Variants in ALMS1 observed in about 807,000 individuals in gnomAD.
ALMS1 encodes ALMS1 centrosome and basal body associated protein, also known as centrosome-associated protein ALMS1.
A neutral mutation model predicts 352.2 loss-of-function variants in ALMS1; 271 were observed. The observed-to-expected ratio is 0.77, with a 90% confidence interval of 0.70 to 0.85. The LOEUF is 0.85. ALMS1 is among the 40% of genes least tolerant of loss of function. The pLI, the probability that ALMS1 is intolerant of heterozygous loss-of-function variation, is 0.00. For synonymous variants in ALMS1, 1,865 were observed against 1,761.2 expected, an observed-to-expected ratio of 1.06 and a Z score of -1.48; for missense variants, 5,445 against 4,870.7, an observed-to-expected ratio of 1.12 and a Z score of -3.51.
Position 73,573,158 on chromosome 2 carries a change from G to A in ALMS1, c.11281G>A (p.Val3761Ile). The A allele has an allele frequency of 6.2e-7, 1 of 1,613,688 alleles. No individual in the cohort carries two copies. Among genetic ancestry groups the A allele is most frequent in the East Asian group, 2.2e-5 (1 of 44,868 alleles). The part of the protein sequence containing the change: ...TNILSGTTST[V>I]ESDILTQTDR... The stretch of plus-strand genomic sequence containing the variant: ...CATCCTTTCCGGCACCACTTCTACT[G>A]TCGAATCAGATATATTGACCCAAAC... The change falls in exon 16 of 23, where the codon GTC becomes ATC. Residue 3761 changes from valine (V) to isoleucine (I), a missense_variant. Val to Ile is a conservative substitution (Grantham distance 29, BLOSUM62 3). Coordinates refer to ENST00000613296, the MANE Select transcript of ALMS1 (RefSeq NM_001378454.1).
chr2:73,530,229 T>C (rs923276688), intron 11 of ALMS1, among the ~76,000 whole-genome samples: 2 of 152,172 alleles, frequency 1.3e-5, no homozygotes, highest in Non-Finnish European at 2.9e-5. Flanking sequence ...TGTGAGCCTG[T>C]AAAATAAAAA....
chr2:73,500,216 A>G (rs1673192194), intron 10 of ALMS1, among the ~76,000 whole-genome samples: 1 of 152,230 alleles, frequency 6.6e-6, no homozygotes, highest in Non-Finnish European at 1.5e-5. Context: ...GTTTTAGCAG[A>G]CAATGACCCA....
chr2:73,589,423 G>T (rs1003629842), intron 16 of ALMS1, among the ~76,000 whole-genome samples: 2 of 152,100 alleles, frequency 1.3e-5, no homozygotes, highest in Non-Finnish European at 2.9e-5. Flanking sequence ...CAGTGCCAAG[G>T]GTTGAGTTAA....
At chr2:73,515,493 T>C (rs1286390572) in intron 10 of ALMS1, among the ~76,000 whole-genome samples, 1 of 151,980 alleles carries the variant, frequency 6.6e-6, no homozygotes, top group South Asian at 2.1e-4. Flanking sequence ...AAGAGGATAA[T>C]AGAGATTGAG....
intron 13 of ALMS1, among the ~76,000 whole-genome samples, chr2:73,551,339 T>C (rs1347187437): frequency 6.6e-6 from 1 of 151,872 alleles, no homozygotes; most frequent in Non-Finnish European, 1.5e-5. Flanking sequence ...TCTTGTTTGC[T>C]TCCATCTCCA....
chr2:73,544,140 G>T (rs955974771), intron 12 of ALMS1, among the ~76,000 whole-genome samples: 3 of 152,092 alleles, frequency 2.0e-5, no homozygotes, highest in Admixed American at 6.6e-5. Flanking sequence ...TGATAGACTG[G>T]ATTAATTAAA....
At chr2:73,489,559 G>T in intron 9 of ALMS1, 75 bp from the exon 10 acceptor site, 1 of 1,557,222 alleles carries the variant, frequency 6.4e-7, no homozygotes, top group South Asian at 1.1e-5. Flanking sequence ...GTATAAAACT[G>T]ATTTGTATAA....
In ALMS1 at chr2:73,402,423, A is replaced by G. The variant is rs141754505; in HGVS notation, c.325-6199A>G. ...TGAGTAGCTGGGGTTACAGGTGTGC[A>G]CTACCCTGCCTGGTTAATTTTTGTA... is the stretch of plus-strand genomic sequence containing the variant. On this transcript the variant is annotated intron_variant, in intron 1 of 22. Transcript: ENST00000613296. 2.3e-3 allele frequency among the ~76,000 whole-genome samples: 355 copies of G among 151,792 alleles called. 1 individual carries two copies. The highest frequency in any genetic ancestry group is 3.9e-3 in the Non-Finnish European group (264 of 67,888).
chr2:73,419,134 T>G lies in ALMS1; in HGVS notation c.462T>G (p.Ser154=), dbSNP rs1671236853. 1 of 1,613,840 alleles carries G rather than the reference T, an allele frequency of 6.2e-7. No homozygotes were observed. The highest frequency in any genetic ancestry group is 8.5e-7 in the Non-Finnish European group (1 of 1,179,768). Residue 154 remains serine, a synonymous_variant, in exon 3 of 23, where the codon TCT becomes TCG. Coordinates refer to ENST00000613296, the MANE Select transcript of ALMS1 (RefSeq NM_001378454.1). The part of the protein sequence containing the change: ...RGSGDDQKTE[S]WHCLPQEMDS... ...TAACATTTTTCTAGAAAACAGAATC[T>G]TGGCATTGTCTTCCTCAAGAAATGG...
Position 73,408,862 on chromosome 2 carries a change from GTCTT to G in ALMS1, c.450+117_450+120del. On this transcript the variant is annotated intron_variant, in intron 2 of 22. Coordinates refer to ENST00000613296, the MANE Select transcript of ALMS1 (RefSeq NM_001378454.1). ...ATATTCATTAATATTATGTTTTCTT[GTCTT>G]TTTTTTTTTTTTTTTTTTTTTTTTA... The G allele has an allele frequency of 8.4e-5, 15 of 177,798 alleles. No homozygotes were observed. In the East Asian group the frequency reaches 8.7e-4, roughly 10 times the overall value. 11.0% of individuals were successfully genotyped at this position (177,798 alleles called of 1,614,324 possible).
chr2:73,600,947 A>G lies in ALMS1; in HGVS notation c.11872+66A>G, dbSNP rs966108426. On this transcript the variant is annotated intron_variant, in intron 18 of 22. Coordinates refer to ENST00000613296, the MANE Select transcript of ALMS1 (RefSeq NM_001378454.1). Reference sequence around the variant, plus strand: ...GAATTTCAAGTCCCCTGCGATGCTGACTCTGTGTTTCCAAGTGACTCTATG... The same window carrying G: ...GAATTTCAAGTCCCCTGCGATGCTGGCTCTGTGTTTCCAAGTGACTCTATG... 79 of 1,539,132 alleles carry G rather than the reference A, an allele frequency of 5.1e-5. No individual in the cohort carries two copies. The African/African-American group carries it at 9.1e-4, about 18-fold the overall frequency.
chr2:73,454,048 A>T lies in ALMS1; in HGVS notation c.7521A>T (p.Glu2507Asp), dbSNP rs778734541. 6.2e-7 allele frequency: 1 copy of T among 1,612,112 alleles called. No individual in the cohort carries two copies. The highest frequency in any genetic ancestry group is 8.5e-7 in the Non-Finnish European group (1 of 1,179,022). The change falls in exon 8 of 23, where the codon GAA becomes GAT. Residue 2507 changes from glutamate to aspartate, a missense_variant. Coordinates refer to ENST00000613296, the MANE Select transcript of ALMS1 (RefSeq NM_001378454.1). ...KEILRNAEEE[E>D]SRVRAHAWNM... ...TACTCAGAAATGCAGAGGAAGAGGAAAGCCGGGTACGAGCACATGGTAAGA... is the reference window on the plus strand; with the variant it reads ...TACTCAGAAATGCAGAGGAAGAGGATAGCCGGGTACGAGCACATGGTAAGA...
intron 2 of ALMS1, among the ~76,000 whole-genome samples, chr2:73,418,519 G>A (rs961187133): frequency 6.6e-6 from 1 of 152,170 alleles, no homozygotes; most frequent in African/African-American, 2.4e-5. Flanking sequence ...TTGGCTGAAG[G>A]CCCGGCTCAA....
At chr2:73,488,156 A>G (rs1031717660) in intron 9 of ALMS1, among the ~76,000 whole-genome samples, 1 of 152,074 alleles carries the variant, frequency 6.6e-6, no homozygotes, top group East Asian at 1.9e-4. Flanking sequence ...CATCTCTGCC[A>G]TCTACGGTAC....
intron 12 of ALMS1, among the ~76,000 whole-genome samples, chr2:73,535,973 C>T (rs1674019640): frequency 6.6e-6 from 1 of 152,070 alleles, no homozygotes; most frequent in Non-Finnish European, 1.5e-5. Context: ...CTGATAGTAA[C>T]TGCACTAAAG....
At chr2:73,609,028 A>C (rs563475858) in intron 22 of ALMS1, among the ~76,000 whole-genome samples, 1 of 152,340 alleles carries the variant, frequency 6.6e-6, no homozygotes, top group South Asian at 2.1e-4. Flanking sequence ...TGCCCTGCCC[A>C]TTGTCCCAGT....
chr2:73,465,849 G>C (rs1322855912), intron 9 of ALMS1, among the ~76,000 whole-genome samples: 1 of 151,170 alleles, frequency 6.6e-6, no homozygotes, highest in Non-Finnish European at 1.5e-5. Flanking sequence ...CTTCTCAAAA[G>C]AAGACATTTA....
At position 73,451,098 on chromosome 2, in the gene ALMS1, C is replaced by T. The variant is rs1558649531; in HGVS notation, c.4571C>T (p.Ser1524Leu). 2 of 1,613,802 alleles carry T rather than the reference C, an allele frequency of 1.2e-6. No individual in the cohort carries two copies. The highest frequency in any genetic ancestry group is 2.2e-5 in the South Asian group (2 of 91,044). Residue 1524 changes from serine (S) to leucine (L), a missense_variant, in exon 8 of 23, where the codon TCA becomes TTA. Ser to Leu is a moderately radical substitution (Grantham distance 145, BLOSUM62 -2). Transcript: ENST00000613296. ...CCAACTATAACCTCTCCTTCCTACTCACAACATAGAGCAAAGTCTGGCAGT... is the reference window on the plus strand; with the variant it reads ...CCAACTATAACCTCTCCTTCCTACTTACAACATAGAGCAAAGTCTGGCAGT... Reference protein sequence around the residue: ...GAPTITSPSYSQHRAKSGSFY... With the variant: ...GAPTITSPSYLQHRAKSGSFY...
At chr2:73,436,896 C>G (rs1201943645) in intron 7 of ALMS1, among the ~76,000 whole-genome samples, 1 of 152,138 alleles carries the variant, frequency 6.6e-6, no homozygotes, top group East Asian at 1.9e-4. Context: ...GGTAAATTTG[C>G]CTATTTTGTT....
Sources: allele counts gnomAD v4.1 joint callset (sites outside exome capture counted in the v4.1 genomes callset), GRCh38; gene constraint gnomAD v4.1.1; transcripts MANE v1.5; gene names NCBI Gene and HGNC (gene_info 2026-07-23, HGNC 2026-07-21).